The following ESYT3 variants were observed in gnomAD, a reference collection of about 807,000 sequenced individuals.
ESYT3 encodes extended synaptotagmin-3.
ESYT3 carries 101 observed loss-of-function variants against 111.5 expected under a neutral mutation model. That is an observed-to-expected ratio of 0.91 (90% CI 0.77 to 1.07). The LOEUF is 1.07. ESYT3 is among the 50% of genes least tolerant of loss of function. The pLI is 0.00. For missense variants in ESYT3, 1,097 were observed against 1,109.4 expected (o/e 0.99, Z 0.16); for synonymous variants, 416 against 446.8 (o/e 0.93, Z 0.87).
intron 7 of ESYT3, among the ~76,000 whole-genome samples, chr3:138,461,565 C>G (rs2032642088): frequency 6.6e-6 from 1 of 152,204 alleles, no homozygotes; most frequent in African/African-American, 2.4e-5. Flanking sequence ...CAAAGGGAAT[C>G]CAGGCATGCA....
intron 1 of ESYT3, among the ~76,000 whole-genome samples, chr3:138,441,137 C>T (rs1162861150): frequency 6.6e-6 from 1 of 152,216 alleles, no homozygotes; most frequent in Non-Finnish European, 1.5e-5. Flanking sequence ...GGGGACTCGG[C>T]CCACAGTCTT....
chr3:138,453,773 G>GA (rs953468657), intron 2 of ESYT3, among the ~76,000 whole-genome samples: 13 of 152,182 alleles, frequency 8.5e-5, no homozygotes, highest in African/African-American at 2.9e-4. Flanking sequence ...TGAATCCCCA[G>GA]AAACCCAGTC....
chr3:138,450,443 T>C lies in ESYT3; in HGVS notation c.328-1605T>C, dbSNP rs116753655. On this transcript the variant is annotated intron_variant, in intron 1 of 22. Coordinates refer to ENST00000389567, the MANE Select transcript of ESYT3 (RefSeq NM_031913.5). ...CACAATTCCTTCCCGCATCGATCTC[T>C]TCTATTTCTGTGGGCTGGGCCAGCT... is the stretch of plus-strand genomic sequence containing the variant. 4.8e-3 allele frequency among the ~76,000 whole-genome samples: 730 copies of C among 152,298 alleles called. 7 individuals are homozygous for C. Among genetic ancestry groups the C allele is most frequent in the African/African-American group, 0.017 (709 of 41,558 alleles).
rs1488524436 is a variant in ESYT3, at chr3:138,470,984, C to T, written c.1698C>T (p.His566=). ...TTGAGCAGCGCTTTCAGCTGGACCA[C>T]TCAGGCCTGGACAGCCTCATCTCCA... ...LTLEQRFQLD[H]SGLDSLISMR... is the part of the protein sequence containing the mutation. Residue 566 remains histidine, a synonymous_variant, in exon 17 of 23, where the codon CAC becomes CAT. Transcript: ENST00000389567. The T allele has an allele frequency of 6.2e-7, 1 of 1,614,046 alleles. No homozygotes were observed. Among genetic ancestry groups the T allele is most frequent in the African/African-American group, 1.3e-5 (1 of 74,932 alleles).
Position 138,470,989 on chromosome 3 carries a change from G to T in ESYT3, c.1703G>T (p.Gly568Val), listed in dbSNP as rs774470802. The T allele has an allele frequency of 3.1e-6, 5 of 1,613,938 alleles. No homozygotes were observed. The highest frequency in any genetic ancestry group is 4.2e-6 in the Non-Finnish European group (5 of 1,180,036). The change falls in exon 17 of 23, where the codon GGC becomes GTC. Residue 568 changes from glycine (G) to valine (V), a missense_variant. Physicochemically the swap from Gly to Val is moderately radical, Grantham distance 109. Coordinates refer to ENST00000389567, the MANE Select transcript of ESYT3 (RefSeq NM_031913.5). ...CAGCGCTTTCAGCTGGACCACTCAG[G>T]CCTGGACAGCCTCATCTCCATGAGG... ...LEQRFQLDHSGLDSLISMRLV... is the reference protein window; with the variant it reads ...LEQRFQLDHSVLDSLISMRLV...
chr3:138,476,433 G>T lies in ESYT3; in HGVS notation c.2575-10G>T. On this transcript the variant is annotated splice_polypyrimidine_tract_variant and intron_variant, in intron 21 of 22. Coordinates refer to ENST00000389567, the MANE Select transcript of ESYT3 (RefSeq NM_031913.5). ...TTTTGGAGGGGAACTAATTATTTGTGATTATTTAGGTACTGATTGACTTAT... is the reference window on the plus strand; with the variant it reads ...TTTTGGAGGGGAACTAATTATTTGTTATTATTTAGGTACTGATTGACTTAT... 6.2e-7 allele frequency: 1 copy of T among 1,613,500 alleles called. No homozygotes were observed. Among genetic ancestry groups the T allele is most frequent in the Non-Finnish European group, 8.5e-7 (1 of 1,179,510 alleles).
In ESYT3 at chr3:138,456,231, C is replaced by T. The variant is rs557426161; in HGVS notation, c.504+903C>T. Among the ~76,000 whole-genome samples, 20 of 152,348 alleles carry T rather than the reference C, an allele frequency of 1.3e-4. No individual in the cohort carries two copies. The East Asian group carries it at 2.9e-3, about 22-fold the overall frequency. On this transcript the variant is annotated intron_variant, in intron 3 of 22. Coordinates refer to ENST00000389567, the MANE Select transcript of ESYT3 (RefSeq NM_031913.5). The stretch of plus-strand genomic sequence containing the variant: ...TCATTCACCTGTGACTTATTGAGCA[C>T]GTGCTGTGTGCTGGGCATCATAGAG...
At chr3:138,452,548 A>T (rs1316262071) in intron 2 of ESYT3, among the ~76,000 whole-genome samples, 5 of 152,180 alleles carry the variant, frequency 3.3e-5, no homozygotes, top group African/African-American at 4.8e-5. Flanking sequence ...CACTGACATC[A>T]CTACTGTAAT....
At chr3:138,474,112 CA>C in intron 19 of ESYT3, 108 bp from the exon 20 acceptor site, 1 of 1,428,354 alleles carries the variant, frequency 7.0e-7, no homozygotes, top group Admixed American at 2.2e-5. Flanking sequence ...AGCCTTCTCT[CA>C]AATGTTTGAA....
rs764354371 is a variant in ESYT3, at chr3:138,472,708, C to T, written c.2086C>T (p.His696Tyr). Reference protein sequence around the residue: ...ATIFLTVPGPHSPGPIKSPRP... With the variant: ...ATIFLTVPGPYSPGPIKSPRP... ...CATCTTCCTGACTGTCCCAGGTCCC[C>T]ACTCTCCAGGGCCCATCAAGTCACC... Residue 696 changes from histidine to tyrosine, a missense_variant, in exon 18 of 23, where the codon CAC (histidine) becomes TAC (tyrosine). Physicochemically the swap from His to Tyr is moderately conservative, Grantham distance 83 (BLOSUM62 2). Coordinates refer to ENST00000389567, the MANE Select transcript of ESYT3 (RefSeq NM_031913.5). 6.2e-7 allele frequency: 1 copy of T among 1,614,204 alleles called. No individual in the cohort carries two copies. Among genetic ancestry groups the T allele is most frequent in the East Asian group, 2.2e-5 (1 of 44,876 alleles).
intron 1 of ESYT3, among the ~76,000 whole-genome samples, chr3:138,446,487 G>C (rs2031548337): frequency 6.6e-6 from 1 of 152,188 alleles, no homozygotes; most frequent in South Asian, 2.1e-4. Flanking sequence ...TGGAAAATAT[G>C]CAACTGGCCA....
At position 138,474,294 on chromosome 3, in the gene ESYT3, G is replaced by C; in HGVS notation, c.2410G>C (p.Ala804Pro). Residue 804 changes from alanine to proline, a missense_variant, in exon 20 of 23, where the codon GCA (alanine) becomes CCA (proline). Ala to Pro is a conservative substitution (Grantham distance 27). Transcript: ENST00000389567. ...RVYLLPERKWACRKKTSVKRK... is the reference protein window; with the variant it reads ...RVYLLPERKWPCRKKTSVKRK... The stretch of plus-strand genomic sequence containing the variant: ...CTACTTGTTGCCAGAAAGGAAGTGG[G>C]CATGTCGTAAGAAGACTTCAGTGAA... 6.2e-7 allele frequency: 1 copy of C among 1,611,452 alleles called. No homozygotes were observed. The highest frequency in any genetic ancestry group is 8.5e-7 in the Non-Finnish European group (1 of 1,179,384).
chr3:138,458,314 C>A (rs1046214442), intron 4 of ESYT3, among the ~76,000 whole-genome samples: 3 of 152,324 alleles, frequency 2.0e-5, no homozygotes, highest in Admixed American at 2.0e-4. Context: ...AGGGGCTGGT[C>A]CCAAGTGGGT....
At chr3:138,462,970 C>T (rs2032728265) in intron 8 of ESYT3, among the ~76,000 whole-genome samples, 1 of 152,170 alleles carries the variant, frequency 6.6e-6, no homozygotes, top group Admixed American at 6.5e-5. Flanking sequence ...TCCTTTGTTA[C>T]TTAATATGAA....
At position 138,440,058 on chromosome 3, in the gene ESYT3, A is replaced by G. The variant is rs1414708059; in HGVS notation, c.327+4933A>G. On this transcript the variant is annotated intron_variant, in intron 1 of 22. Transcript: ENST00000389567. This position sits in a 1 kb window ranked among gnomAD's most constrained non-coding sequence, Gnocchi z 4.2. ...ATCATGACATTTTAGGAGATGTTCT[A>G]TAGAGTCTTCATAGCTGTAGGGTCT... Among the ~76,000 whole-genome samples the G allele has an allele frequency of 3.3e-5, 5 of 152,096 alleles. No individual in the cohort carries two copies. The highest frequency in any genetic ancestry group is 1.2e-4 in the African/African-American group (5 of 41,432).
chr3:138,434,797 A>T lies in ESYT3; in HGVS notation c.-2A>T. The T allele has an allele frequency of 6.5e-7, 1 of 1,546,574 alleles. No individual in the cohort carries two copies. On this transcript the variant is annotated 5_prime_UTR_variant, in exon 1 of 23. Transcript: ENST00000389567. ...CGGGAAGGGCAAGACTGCGGCGACG[A>T]GATGCGAGCAGAGGAGCCCTGCGCC...
rs748280851 is a variant in ESYT3, at chr3:138,462,226, C to T, written c.915+20C>T. ...CCCTGTGTGAGTACCCAGTACTAGC[C>T]ACAGACCAGCCTGCTGGGAGGCAGC... is the stretch of plus-strand genomic sequence containing the variant. On this transcript the variant is annotated intron_variant, in intron 8 of 22. Coordinates refer to ENST00000389567, the MANE Select transcript of ESYT3 (RefSeq NM_031913.5). 5.6e-6 allele frequency: 9 copies of T among 1,614,018 alleles called. No individual in the cohort carries two copies. Among genetic ancestry groups the T allele is most frequent in the Non-Finnish European group, 5.1e-6 (6 of 1,180,006 alleles).
At chr3:138,473,174 G>A in intron 18 of ESYT3, 1 of 1,243,148 alleles carries the variant, frequency 8.0e-7, no homozygotes, top group Non-Finnish European at 1.0e-6. Context: ...GTAATAAATG[G>A]CTGTCATTTA....
intron 16 of ESYT3, 164 bp downstream of exon 16, chr3:138,470,310 A>G: frequency 7.4e-7 from 1 of 1,354,284 alleles, no homozygotes; most frequent in Non-Finnish European, 9.6e-7. Context: ...CATCTCCTTA[A>G]GGCTAGTGCC....
Sources: allele counts gnomAD v4.1 joint callset (sites outside exome capture counted in the v4.1 genomes callset), GRCh38; gene constraint gnomAD v4.1.1; non-coding constraint Gnocchi (gnomAD v3.1); transcripts MANE v1.5; gene names NCBI Gene and HGNC (gene_info 2026-07-23, HGNC 2026-07-21).